P4HA1: variants seen among roughly 807,000 people sequenced by gnomAD.
The protein encoded by P4HA1 is prolyl 4-hydroxylase subunit alpha-1.
In P4HA1, 24 loss-of-function variants were observed where a neutral mutation model predicts 72.8. The ratio of observed to expected loss-of-function variants is 0.33; its 90% CI spans 0.24 to 0.46. P4HA1 has a LOEUF of 0.46. P4HA1 is among the 20% of genes least tolerant of loss of function. The pLI, the probability that P4HA1 is intolerant of heterozygous loss-of-function variation, is 1.00. For missense variants in P4HA1, 446 were observed against 640.6 expected, an observed-to-expected ratio of 0.70 and a Z score of 3.28; for synonymous variants, 201 against 218.8, an observed-to-expected ratio of 0.92 and a Z score of 0.72.
chr10:73,059,126 A>AT (rs1841236219), intron 5 of P4HA1, among the ~76,000 whole-genome samples: 1 of 152,004 alleles, frequency 6.6e-6, no homozygotes, highest in Non-Finnish European at 1.5e-5. Flanking sequence ...GAGTAGATAT[A>AT]TATTTGCTTG....
chr10:73,053,976 G>C (rs1466706158), intron 5 of P4HA1, among the ~76,000 whole-genome samples: 1 of 151,758 alleles, frequency 6.6e-6, no homozygotes, highest in Non-Finnish European at 1.5e-5. Flanking sequence ...GAATGCAATG[G>C]CACAATCTCA....
At chr10:73,096,637 TGTG>T (rs1308581248) in intron 1 of P4HA1, 126 bp downstream of exon 1, 1 of 153,276 alleles carries the variant, frequency 6.5e-6, no homozygotes, top group Non-Finnish European at 1.5e-5. Flanking sequence ...CCGAGGCTGC[TGTG>T]GTAACCTGGG....
chr10:73,018,664 G>T (rs920243034), intron 10 of P4HA1, among the ~76,000 whole-genome samples: 1 of 151,990 alleles, frequency 6.6e-6, no homozygotes, highest in Non-Finnish European at 1.5e-5. Context: ...CATCCCCAGG[G>T]ATAGGAGTTG....
intron 1 of P4HA1, among the ~76,000 whole-genome samples, chr10:73,081,915 C>T (rs941981323): frequency 1.3e-5 from 2 of 152,160 alleles, no homozygotes; most frequent in Non-Finnish European, 2.9e-5. Context: ...ACTCAGGAGG[C>T]TGAGGCAGAA....
intron 1 of P4HA1, among the ~76,000 whole-genome samples, chr10:73,093,796 T>C (rs938924691): frequency 7.9e-6 from 1 of 126,886 alleles, no homozygotes; most frequent in Non-Finnish European, 1.6e-5. Context: ...TGGGCCGAGA[T>C]TGCACCACTG....
intron 6 of P4HA1, among the ~76,000 whole-genome samples, chr10:73,051,517 T>C (rs1426837880): frequency 6.6e-6 from 1 of 152,152 alleles, no homozygotes; most frequent in Non-Finnish European, 1.5e-5. Flanking sequence ...CCCAGCATTT[T>C]GGGAGACTGA....
chr10:73,092,507 T>C (rs1463892710), intron 1 of P4HA1, among the ~76,000 whole-genome samples: 3 of 150,100 alleles, frequency 2.0e-5, no homozygotes, highest in South Asian at 2.1e-4. Context: ...TGCAACCTCA[T>C]GCCCCCTTAA....
At chr10:73,037,549 ATATATATATATATATATATATATTTTTT>A (rs1275101220) in intron 9 of P4HA1, among the ~76,000 whole-genome samples, 2 of 29,326 alleles carry the variant, frequency 6.8e-5, no homozygotes, top group African/African-American at 2.7e-4. Flanking sequence ...ATATATATAT[ATATATATATATATATATATATATTTTTT>A]TTTTTTTTTT....
At chr10:73,023,881 A>G (rs942260952) in intron 10 of P4HA1, among the ~76,000 whole-genome samples, 3 of 152,136 alleles carry the variant, frequency 2.0e-5, no homozygotes, top group African/African-American at 4.8e-5. Context: ...CACAGATCAA[A>G]AGAGACAAAG....
chr10:73,087,784 G>A (rs1270354900), intron 1 of P4HA1, among the ~76,000 whole-genome samples: 1 of 151,926 alleles, frequency 6.6e-6, no homozygotes, highest in African/African-American at 2.4e-5. Flanking sequence ...GAGCCACCAT[G>A]CCCAGCTTTG....
chr10:73,030,335 G>C lies in P4HA1; in HGVS notation c.1184C>G (p.Ser395Cys), dbSNP rs34312165. 12 of 1,578,152 alleles carry C rather than the reference G, an allele frequency of 7.6e-6. No homozygotes were observed. In the African/African-American group the frequency reaches 1.5e-4, roughly 19 times the overall value. The part of the protein sequence containing the change: ...WLSGYENPVV[S>C]RINMRIQDLT... ...ATCTTGTATTCTCATATTAATTCGAGACACCACAGGATTTTCATAGCCAGA... is the reference window on the plus strand; with the variant it reads ...ATCTTGTATTCTCATATTAATTCGACACACCACAGGATTTTCATAGCCAGA... The change falls in exon 10 of 15, where the codon TCT (serine) becomes TGT (cysteine). Residue 395 changes from serine to cysteine, a missense_variant. By Grantham distance (112) the Ser-to-Cys change is moderately radical. Transcript: ENST00000394890.
At chr10:73,023,975 C>A (rs1451737431) in intron 10 of P4HA1, among the ~76,000 whole-genome samples, 1 of 152,086 alleles carries the variant, frequency 6.6e-6, no homozygotes, top group Non-Finnish European at 1.5e-5. Context: ...TACAGGGGCA[C>A]CCAGATTCAT....
intron 1 of P4HA1, among the ~76,000 whole-genome samples, chr10:73,094,945 T>A (rs553774955): frequency 7.2e-4 from 109 of 152,266 alleles, no homozygotes; most frequent in Non-Finnish European, 1.2e-3. Flanking sequence ...AAGTCCTGAT[T>A]TTCAGTACTT....
chr10:73,040,842 C>CA (rs547568145), intron 9 of P4HA1, among the ~76,000 whole-genome samples: 235 of 151,906 alleles, frequency 1.5e-3, no homozygotes, highest in African/African-American at 5.4e-3. Flanking sequence ...AACTTTATGA[C>CA]AAAAAATGTG....
chr10:73,070,281 C>T (rs557433273), intron 4 of P4HA1, among the ~76,000 whole-genome samples: 3 of 150,932 alleles, frequency 2.0e-5, no homozygotes, highest in Non-Finnish European at 4.4e-5. Context: ...CTCAGCCTCC[C>T]GACTAGCTGG....
chr10:73,070,885 A>C (rs1841542908), intron 4 of P4HA1, among the ~76,000 whole-genome samples: 1 of 152,172 alleles, frequency 6.6e-6, no homozygotes, highest in African/African-American at 2.4e-5. Flanking sequence ...ATTTCCTTTA[A>C]AAAATGGTTC....
intron 1 of P4HA1, among the ~76,000 whole-genome samples, chr10:73,078,600 ATTTT>A (rs770821126): frequency 5.0e-5 from 5 of 99,700 alleles, no homozygotes; most frequent in South Asian, 7.3e-4. Context: ...GCAGTAGGTA[ATTTT>A]TTTTTTTTTT....
chr10:73,059,659 C>T (rs12258753), intron 5 of P4HA1, among the ~76,000 whole-genome samples: 5,606 of 150,964 alleles, frequency 0.037, 346 homozygotes, highest in African/African-American at 0.12. Flanking sequence ...AGGAGAATGG[C>T]GTGAACCCGG....
At chr10:73,036,185 C>A (rs1311367633) in intron 9 of P4HA1, among the ~76,000 whole-genome samples, 13 of 129,208 alleles carry the variant, frequency 1.0e-4, no homozygotes, top group Non-Finnish European at 1.6e-5. Context: ...AAAACTCCGT[C>A]TCAAAAAAAA....
Sources: allele counts gnomAD v4.1 joint callset (sites outside exome capture counted in the v4.1 genomes callset), GRCh38; gene constraint gnomAD v4.1.1; transcripts MANE v1.5; gene names NCBI Gene and HGNC (gene_info 2026-07-23, HGNC 2026-07-21).